The following SLC30A9 variants were observed in gnomAD, a reference collection of about 807,000 sequenced individuals.
The protein encoded by SLC30A9 is solute carrier family 30 member 9.
Under a neutral mutation model 87.5 loss-of-function variants are expected in SLC30A9, and 58 were observed. The ratio of observed to expected loss-of-function variants is 0.66; its 90% CI spans 0.54 to 0.82. The LOEUF (loss-of-function observed/expected upper bound fraction) is 0.82, where lower values mean the gene tolerates loss of function less well. SLC30A9 is among the 40% of genes least tolerant of loss of function. The pLI, the probability that SLC30A9 is intolerant of heterozygous loss-of-function variation, is 0.00. For synonymous variants in SLC30A9, 234 were observed against 233.0 expected (o/e 1.00, Z -0.04); for missense variants, 557 against 679.1 (o/e 0.82, Z 2.00).
chr4:42,084,795 C>A (rs2153141759), intron 17 of SLC30A9, among the ~76,000 whole-genome samples: 2 of 152,316 alleles, frequency 1.3e-5, no homozygotes, highest in South Asian at 4.1e-4. Context: ...TGTGCACTCA[C>A]AGGAAAAAGA....
intron 9 of SLC30A9, among the ~76,000 whole-genome samples, chr4:42,053,695 CAAA>C (rs56190460): frequency 2.3e-3 from 131 of 55,896 alleles, no homozygotes; most frequent in African/African-American, 0.011. Context: ...ACTCGGTCTC[CAAA>C]AAAAAAAAAA....
chr4:42,044,155 T>A (rs529274982), intron 8 of SLC30A9, among the ~76,000 whole-genome samples: 2 of 152,230 alleles, frequency 1.3e-5, no homozygotes, highest in African/African-American at 4.8e-5. Context: ...CATCAACTAA[T>A]GAGCAAAATA....
In SLC30A9 at chr4:41,990,687, A is replaced by T; in HGVS notation, c.36A>T (p.Arg12Ser). ...LPGLAAAAAH[R>S]CSWSSLCRLR... ...GCTTGGCCGCCGCCGCGGCCCACAG[A>T]TGTAGCTGGTCCTCCCTGTGCCGGC... The change falls in exon 1 of 18, where the codon AGA (arginine) becomes AGT (serine). Residue 12 changes from arginine (R) to serine (S), a missense_variant. By Grantham distance (110) the Arg-to-Ser change is moderately radical. Coordinates refer to ENST00000264451, the MANE Select transcript of SLC30A9 (RefSeq NM_006345.4). 1 of 1,611,724 alleles carries T rather than the reference A, an allele frequency of 6.2e-7. No homozygotes were observed. Among genetic ancestry groups the T allele is most frequent in the Non-Finnish European group, 8.5e-7 (1 of 1,178,906 alleles).
At chr4:42,028,799 A>T (rs1022922741) in intron 6 of SLC30A9, among the ~76,000 whole-genome samples, 2 of 152,220 alleles carry the variant, frequency 1.3e-5, no homozygotes, top group African/African-American at 4.8e-5. Flanking sequence ...TGAGCTCAGG[A>T]TTGAAAAATT....
At chr4:42,070,340 CA>C (rs1482550098) in intron 14 of SLC30A9, 185 bp from the exon 15 acceptor site, 1 of 492,904 alleles carries the variant, frequency 2.0e-6, no homozygotes, top group African/African-American at 1.9e-5. Context: ...CTTATGAAAG[CA>C]AGTTGTAGCA....
At chr4:42,058,605 A>C (rs1045574060) in intron 9 of SLC30A9, among the ~76,000 whole-genome samples, 4 of 152,232 alleles carry the variant, frequency 2.6e-5, no homozygotes, top group Admixed American at 2.0e-4. Flanking sequence ...AATTTACAGA[A>C]AAAGGAGGTT....
At chr4:41,999,129 C>T (rs1164738901) in intron 1 of SLC30A9, among the ~76,000 whole-genome samples, 1 of 151,932 alleles carries the variant, frequency 6.6e-6, no homozygotes, top group Non-Finnish European at 1.5e-5. Flanking sequence ...TTGAAAAATG[C>T]CAAGTAATGT....
intron 1 of SLC30A9, 98 bp from the exon 2 acceptor site, chr4:42,001,518 C>A (rs1473202788): frequency 1.7e-6 from 1 of 581,068 alleles, no homozygotes; most frequent in Non-Finnish European, 2.9e-6. Flanking sequence ...TCATGTGTAC[C>A]TAGAAGCAGT....
At chr4:42,029,213 C>T (rs776746871) in intron 6 of SLC30A9, 35 of 412,866 alleles carry the variant, frequency 8.5e-5, no homozygotes, top group Admixed American at 3.2e-4. Flanking sequence ...GTTGCCATGA[C>T]CTGCAGGAAA....
intron 2 of SLC30A9, among the ~76,000 whole-genome samples, chr4:42,005,362 A>G (rs2660324): frequency 0.65 from 98,618 of 152,170 alleles, 36,085 homozygotes; most frequent in East Asian, 0.96. Context: ...TTCAGACTGT[A>G]ACTTGTGTTA....
In SLC30A9 at chr4:42,022,320, C is replaced by T. The variant is rs542252019; in HGVS notation, c.435-518C>T. Among the ~76,000 whole-genome samples the T allele has an allele frequency of 1.1e-3, 159 of 150,750 alleles. 1 individual carries two copies. Among genetic ancestry groups the T allele is most frequent in the African/African-American group, 3.7e-3 (153 of 41,160 alleles). ...TTGGCTCACTGTAACCTCTGCCTCC[C>T]GGGTTCAAGTGATTCTTCTGCCTCA... On this transcript the variant is annotated intron_variant, in intron 4 of 17. Transcript: ENST00000264451.
At chr4:42,055,177 T>G (rs1035268651) in intron 9 of SLC30A9, among the ~76,000 whole-genome samples, 2 of 152,232 alleles carry the variant, frequency 1.3e-5, no homozygotes, top group East Asian at 3.9e-4. Flanking sequence ...TCAAAAAGAC[T>G]TCAGTTAAAA....
intron 11 of SLC30A9, among the ~76,000 whole-genome samples, chr4:42,063,813 C>G (rs1037648411): frequency 6.6e-6 from 1 of 152,068 alleles, no homozygotes; most frequent in Non-Finnish European, 1.5e-5. Context: ...CTATGGCTGC[C>G]CAAATTGATC....
chr4:42,048,078 G>T (rs1004728822), intron 8 of SLC30A9, among the ~76,000 whole-genome samples: 5 of 152,042 alleles, frequency 3.3e-5, no homozygotes, highest in African/African-American at 1.2e-4. Flanking sequence ...GGCCTATTGG[G>T]GGGTGGGTGG....
intron 6 of SLC30A9, among the ~76,000 whole-genome samples, chr4:42,034,031 C>T (rs1470261190): frequency 6.7e-6 from 1 of 149,522 alleles, no homozygotes; most frequent in African/African-American, 2.4e-5. Context: ...GCTATTAAAA[C>T]GATACCATGA....
intron 8 of SLC30A9, among the ~76,000 whole-genome samples, chr4:42,045,510 C>T (rs1326812845): frequency 6.6e-6 from 1 of 151,212 alleles, no homozygotes; most frequent in Non-Finnish European, 1.5e-5. Flanking sequence ...AAGACTAAAC[C>T]AGGAAGAAGT....
intron 2 of SLC30A9, among the ~76,000 whole-genome samples, chr4:42,005,421 A>G (rs1715161338): frequency 6.6e-6 from 1 of 152,140 alleles, no homozygotes; most frequent in Non-Finnish European, 1.5e-5. Context: ...TTTCTTCCCC[A>G]CTATTTAACA....
At chr4:42,074,444 ATTTCTCAGCAG>A (rs1718442568) in intron 15 of SLC30A9, among the ~76,000 whole-genome samples, 1 of 152,178 alleles carries the variant, frequency 6.6e-6, no homozygotes. Context: ...AAAGAAGAGA[ATTTCTCAGCAG>A]TTTCTAGGGA....
intron 2 of SLC30A9, among the ~76,000 whole-genome samples, chr4:42,014,599 C>T (rs1715622306): frequency 6.6e-6 from 1 of 151,554 alleles, no homozygotes; most frequent in Admixed American, 6.6e-5. Context: ...GAGCTATCTG[C>T]ATTCCCATGT....
Sources: allele counts gnomAD v4.1 joint callset (sites outside exome capture counted in the v4.1 genomes callset), GRCh38; gene constraint gnomAD v4.1.1; transcripts MANE v1.5; gene names NCBI Gene and HGNC (gene_info 2026-07-23, HGNC 2026-07-21).